The following APBB2 variants were observed in gnomAD, a reference collection of about 807,000 sequenced individuals.
APBB2 encodes Fe65-like 1.
APBB2 carries 38 observed loss-of-function variants against 82.5 expected under a neutral mutation model. That is an observed-to-expected ratio of 0.46 (90% CI 0.36 to 0.60). APBB2 has a LOEUF of 0.60. Ranked by LOEUF, APBB2 falls within the 20% of genes least tolerant of loss-of-function variation. The pLI is 0.00. For synonymous variants in APBB2, 341 were observed against 368.2 expected (o/e 0.93, Z 0.85); for missense variants, 772 against 972.3 (o/e 0.79, Z 2.74).
At chr4:41,119,983 T>C (rs969495945) in intron 2 of APBB2, among the ~76,000 whole-genome samples, 1 of 152,176 alleles carries the variant, frequency 6.6e-6, no homozygotes, top group Non-Finnish European at 1.5e-5. Context: ...TTCCATGCTG[T>C]AATTTAGCCT....
chr4:41,071,030 C>T (rs184559842), intron 3 of APBB2, among the ~76,000 whole-genome samples: 98 of 152,310 alleles, frequency 6.4e-4, no homozygotes, highest in African/African-American at 2.3e-3. Context: ...TACATTAATG[C>T]TTCCCTCCTC....
At chr4:40,983,839 AGTGCTGGGGATACAGGCGTGAGCCATT>A (rs1799734283) in intron 6 of APBB2, among the ~76,000 whole-genome samples, 1 of 152,160 alleles carries the variant, frequency 6.6e-6, no homozygotes, top group African/African-American at 2.4e-5. Flanking sequence ...GGCCTCCCAA[AGTGCTGGGGATACAGGCGTGAGCCATT>A]GTGCCTAACT....
intron 12 of APBB2, among the ~76,000 whole-genome samples, chr4:40,874,709 G>A (rs537092936): frequency 8.5e-5 from 13 of 152,222 alleles, no homozygotes; most frequent in South Asian, 2.1e-4. Context: ...TGTTGACTGC[G>A]GGACAGCTCA....
chr4:41,202,175 G>A (rs933296996), intron 1 of APBB2, among the ~76,000 whole-genome samples: 31 of 152,130 alleles, frequency 2.0e-4, no homozygotes, highest in Middle Eastern at 3.4e-3. Context: ...AAAACTTTTC[G>A]TCTTCCCCAA....
chr4:40,881,534 C>CTTT lies in APBB2; in HGVS notation c.1529+8827_1529+8829dup, dbSNP rs71198611. On this transcript the variant is annotated intron_variant, in intron 12 of 17. Transcript: ENST00000508593. Reference sequence around the variant, plus strand: ...TCCTTTTATCTTTTCTTTTCTTTTTCTTTTTTTTTTTTTTTTTGATACAGA... The same window carrying CTTT: ...TCCTTTTATCTTTTCTTTTCTTTTTCTTTTTTTTTTTTTTTTTTTTGATACAGA... 2.2e-3 allele frequency: 328 copies of CTTT among 145,852 alleles called. 1 individual carries two copies. Among genetic ancestry groups the CTTT allele is most frequent in the Middle Eastern group, 3.8e-3 (1 of 262 alleles). 9.0% of individuals were successfully genotyped at this position (145,852 alleles called of 1,614,324 possible). A position where few individuals can be genotyped will look rare whatever the true frequency, so the allele number is the denominator to read the frequency against.
intron 3 of APBB2, among the ~76,000 whole-genome samples, chr4:41,075,834 G>C (rs775453976): frequency 6.6e-6 from 1 of 152,174 alleles, no homozygotes; most frequent in African/African-American, 2.4e-5. Context: ...GTATCACTTA[G>C]TTCATTTTGA....
At position 40,960,446 on chromosome 4, in the gene APBB2, G is replaced by GTTTTT. The variant is rs371607683; in HGVS notation, c.836-15374_836-15373insAAAAA. Among the ~76,000 whole-genome samples, 35 of 120,544 alleles carry GTTTTT rather than the reference G, an allele frequency of 2.9e-4. 16 individuals are homozygous for GTTTTT. Among genetic ancestry groups the GTTTTT allele is most frequent in the East Asian group, 4.9e-4 (2 of 4,118 alleles). The allele number at this position is 120,544 out of a possible 152,430, so 79.1% of individuals were successfully genotyped here. On this transcript the variant is annotated intron_variant, in intron 6 of 17. Coordinates refer to ENST00000508593, the MANE Select transcript of APBB2 (RefSeq NM_004307.2). ...CATCAAAAACAGAAATTTTTTTTCG[G>GTTTTT]GTTTTTTTTTTTTTTTTTTGAGACG...
chr4:41,117,036 A>G (rs1300721652), intron 2 of APBB2, among the ~76,000 whole-genome samples: 1 of 152,076 alleles, frequency 6.6e-6, no homozygotes, highest in Non-Finnish European at 1.5e-5. Context: ...TTTTGGGTCC[A>G]TCACAAATGT....
intron 4 of APBB2, among the ~76,000 whole-genome samples, chr4:41,046,096 C>T (rs1723344978): frequency 6.6e-6 from 1 of 152,008 alleles, no homozygotes; most frequent in African/African-American, 2.4e-5. Flanking sequence ...AAGAAGTGCC[C>T]TCTCCCTCAC....
chr4:40,891,893 T>C (rs954945227), intron 11 of APBB2, among the ~76,000 whole-genome samples: 1 of 151,760 alleles, frequency 6.6e-6, no homozygotes, highest in African/African-American at 2.4e-5. Flanking sequence ...CAGTTTTGAC[T>C]GAAGGAGAGA....
intron 4 of APBB2, among the ~76,000 whole-genome samples, chr4:41,041,115 T>C (rs573579808): frequency 6.6e-6 from 1 of 152,272 alleles, no homozygotes; most frequent in Non-Finnish European, 1.5e-5. Context: ...CTCCTGATCT[T>C]GTGATTCCCC....
chr4:41,012,396 A>G (rs1808625725), intron 6 of APBB2, among the ~76,000 whole-genome samples: 1 of 152,174 alleles, frequency 6.6e-6, no homozygotes. Context: ...AAAAGGATAG[A>G]GAGCTGTGAA....
At chr4:40,891,823 TTCACATATTAGTG>T (rs1162509948) in intron 11 of APBB2, among the ~76,000 whole-genome samples, 73 of 152,312 alleles carry the variant, frequency 4.8e-4, no homozygotes, top group African/African-American at 1.7e-3. Context: ...AGGTCAGTCA[TTCACATATTAGTG>T]TAAGTCACAA....
chr4:40,952,782 CTGGGA>C (rs1420756359), intron 6 of APBB2, among the ~76,000 whole-genome samples: 8 of 152,294 alleles, frequency 5.3e-5, no homozygotes, highest in Admixed American at 2.6e-4. Context: ...TATCTTCCCG[CTGGGA>C]TGTTATAAAA....
intron 1 of APBB2, among the ~76,000 whole-genome samples, chr4:41,208,208 C>T (rs1189148197): frequency 6.6e-6 from 1 of 152,170 alleles, no homozygotes; most frequent in Non-Finnish European, 1.5e-5. Flanking sequence ...AAAGTCTCTC[C>T]AATCTATCTC....
chr4:41,018,764 A>T (rs936013212), intron 5 of APBB2, among the ~76,000 whole-genome samples: 1 of 152,216 alleles, frequency 6.6e-6, no homozygotes, highest in African/African-American at 2.4e-5. Flanking sequence ...CTTCTGAACC[A>T]ACAAAGAGGT....
chr4:41,071,829 A>C (rs770002555), intron 3 of APBB2, among the ~76,000 whole-genome samples: 7 of 152,208 alleles, frequency 4.6e-5, no homozygotes, highest in Non-Finnish European at 7.3e-5. Flanking sequence ...TTTTTCTAAA[A>C]GGTAATGCCT....
chr4:41,051,832 C>G (rs576806770), intron 4 of APBB2, among the ~76,000 whole-genome samples: 2 of 152,182 alleles, frequency 1.3e-5, no homozygotes, highest in Non-Finnish European at 2.9e-5. Context: ...TGGGCCACCC[C>G]GGTTTGAATT....
chr4:40,883,264 A>C (rs540162016), intron 12 of APBB2, among the ~76,000 whole-genome samples: 24 of 152,318 alleles, frequency 1.6e-4, no homozygotes, highest in African/African-American at 5.5e-4. Flanking sequence ...TCAAGGCTGC[A>C]GTGAGCTATG....
Sources: allele counts gnomAD v4.1 joint callset (sites outside exome capture counted in the v4.1 genomes callset), GRCh38; gene constraint gnomAD v4.1.1; transcripts MANE v1.5; gene names NCBI Gene and HGNC (gene_info 2026-07-23, HGNC 2026-07-21).